The following UBOX5 variants were observed in gnomAD, a reference collection of about 807,000 sequenced individuals.
UBOX5 encodes RING finger protein 37.
In UBOX5, 28 loss-of-function variants were observed where a neutral mutation model predicts 39.0. That is an observed-to-expected ratio of 0.72 (90% CI 0.53 to 0.98). UBOX5 has a LOEUF of 0.98. Ranked by LOEUF, UBOX5 falls within the 50% of genes least tolerant of loss-of-function variation. The pLI, the probability that UBOX5 is intolerant of heterozygous loss-of-function variation, is 0.00. For synonymous variants in UBOX5, 283 were observed against 275.5 expected (o/e 1.03, Z -0.27); for missense variants, 585 against 674.4 (o/e 0.87, Z 1.47).
chr20:3,131,603 T>A (rs374633960), intron 1 of UBOX5, among the ~76,000 whole-genome samples: 1 of 152,206 alleles, frequency 6.6e-6, no homozygotes, highest in African/African-American at 2.4e-5. Flanking sequence ...AGTATAGAGA[T>A]AAAAATGAAA....
At chr20:3,147,767 C>A in intron 1 of UBOX5, 1 of 1,614,114 alleles carries the variant, frequency 6.2e-7, no homozygotes, top group Non-Finnish European at 8.5e-7. Context: ...TCCAAATGAC[C>A]ACAGAATCTT....
chr20:3,123,838 T>C (rs6051585), intron 1 of UBOX5, among the ~76,000 whole-genome samples: 2,119 of 152,338 alleles, frequency 0.014, 45 homozygotes, highest in African/African-American at 0.048. Context: ...AATGCAATTA[T>C]GTTTTCTTAT....
In UBOX5 at chr20:3,122,095, C is replaced by T; in HGVS notation, c.544G>A (p.Gly182Ser). The change falls in exon 3 of 5, where the codon GGC becomes AGC. Residue 182 changes from glycine to serine, a missense_variant. Transcript: ENST00000217173. ...HLRICITHVT[G>S]GGIPCIKRLE... ...CGCTTGATACAAGGGATACCGCCGC[C>T]TGTCACATGGGTGATACAGATCCTT... 1 of 1,614,270 alleles carries T rather than the reference C, an allele frequency of 6.2e-7. No individual in the cohort carries two copies. The highest frequency in any genetic ancestry group is 1.3e-5 in the African/African-American group (1 of 75,082).
chr20:3,148,533 C>A, intron 1 of UBOX5: 1 of 1,614,168 alleles, frequency 6.2e-7, no homozygotes, highest in Non-Finnish European at 8.5e-7. Context: ...CCCAGCAAGA[C>A]AGGATGCTGC....
chr20:3,109,967 G>C lies in UBOX5; in HGVS notation c.*139C>G. 1.1e-6 allele frequency: 1 copy of C among 939,858 alleles called. No homozygotes were observed. The highest frequency in any genetic ancestry group is 1.6e-6 in the Non-Finnish European group (1 of 617,398). 58.2% of individuals were successfully genotyped at this position (939,858 alleles called of 1,614,324 possible). The stretch of plus-strand genomic sequence containing the variant: ...GCAGAAGCAATGTGCTATACCGTGA[G>C]GTGATGAAGAAGAGCCCCGGGAGGG... On this transcript the variant is annotated 3_prime_UTR_variant, in exon 5 of 5. Transcript: ENST00000217173.
In UBOX5 at chr20:3,125,259, C is replaced by T. The variant is rs376868674; in HGVS notation, c.-41-1853G>A. ...CTGGGAAGTGAGGAGTGCCTCTGCC[C>T]GGCTGCCCCGTCTGGGAGGTGAGGA... is the stretch of plus-strand genomic sequence containing the variant. On this transcript the variant is annotated intron_variant, in intron 1 of 4. Transcript: ENST00000217173. Among the ~76,000 whole-genome samples the T allele has an allele frequency of 2.4e-3, 352 of 146,508 alleles. 22 individuals carry two copies. The South Asian group carries it at 0.071, about 29-fold the overall frequency.
chr20:3,115,171 G>C (rs2066283606), intron 4 of UBOX5, 134 bp downstream of exon 4: 2 of 1,146,102 alleles, frequency 1.7e-6, no homozygotes, highest in Non-Finnish European at 2.4e-6. Flanking sequence ...TTCTCTCCCA[G>C]GGTGGGTGTT....
In UBOX5 at chr20:3,109,942, G is replaced by A. The variant is rs536052376; in HGVS notation, c.*164C>T. The A allele has an allele frequency of 1.5e-4, 113 of 775,580 alleles. No individual in the cohort carries two copies. Among genetic ancestry groups the A allele is most frequent in the Middle Eastern group, 3.8e-4 (1 of 2,648 alleles). 48.0% of individuals were successfully genotyped at this position (775,580 alleles called of 1,614,324 possible). A position where few individuals can be genotyped will look rare whatever the true frequency, so the allele number is the denominator to read the frequency against. ...GCTTTGTTGCCCTATTGCCACCAGC[G>A]CAGAAGCAATGTGCTATACCGTGAG... is the stretch of plus-strand genomic sequence containing the variant. On this transcript the variant is annotated 3_prime_UTR_variant, in exon 5 of 5. Coordinates refer to ENST00000217173, the MANE Select transcript of UBOX5 (RefSeq NM_014948.4).
At chr20:3,115,505 G>A in intron 3 of UBOX5, 39 bp from the exon 4 acceptor site, 1 of 1,568,728 alleles carries the variant, frequency 6.4e-7, no homozygotes, top group East Asian at 2.3e-5. Context: ...CCAGAGACAG[G>A]CTCCGCAAAA....
chr20:3,133,718 T>C (rs529342590), intron 1 of UBOX5, among the ~76,000 whole-genome samples: 5 of 151,480 alleles, frequency 3.3e-5, no homozygotes, highest in African/African-American at 9.7e-5. Flanking sequence ...CTCTCTCTTT[T>C]TGCCAAGGGG....
chr20:3,117,647 G>T (rs537912976), intron 3 of UBOX5, among the ~76,000 whole-genome samples: 1 of 152,304 alleles, frequency 6.6e-6, no homozygotes, highest in Non-Finnish European at 1.5e-5. Flanking sequence ...TCGCACAAGT[G>T]CACTCCAGCC....
At position 3,109,281 on chromosome 20, in the gene UBOX5, T is replaced by A. The variant is rs2066234423; in HGVS notation, c.*825A>T. ...AAAGGATGCAGCCTATAAACAAGTA[T>A]TTTTCCTGAAACCAACTGCATGAGG... is the stretch of plus-strand genomic sequence containing the variant. On this transcript the variant is annotated 3_prime_UTR_variant, in exon 5 of 5. Transcript: ENST00000217173. 6.6e-6 allele frequency: 1 copy of A among 152,148 alleles called. No homozygotes were observed. Among genetic ancestry groups the A allele is most frequent in the African/African-American group, 2.4e-5 (1 of 41,396 alleles). 9.4% of individuals were successfully genotyped at this position (152,148 alleles called of 1,614,324 possible).
intron 3 of UBOX5, among the ~76,000 whole-genome samples, chr20:3,116,201 C>T (rs1232948284): frequency 6.6e-6 from 1 of 152,212 alleles, no homozygotes; most frequent in Non-Finnish European, 1.5e-5. Context: ...GACCCCACCA[C>T]CCCCCAGAGG....
chr20:3,133,756 TGG>T (rs113241293), intron 1 of UBOX5, among the ~76,000 whole-genome samples: 1 of 147,812 alleles, frequency 6.8e-6, no homozygotes, highest in African/African-American at 2.5e-5. Flanking sequence ...TTATTTTTTT[TGG>T]GGGGGGGAAA....
Position 3,122,596 on chromosome 20 carries a change from A to C in UBOX5, c.55-12T>G. 6.5e-7 allele frequency: 1 copy of C among 1,546,450 alleles called. No homozygotes were observed. Among genetic ancestry groups the C allele is most frequent in the Non-Finnish European group, 8.7e-7 (1 of 1,147,296 alleles). On this transcript the variant is annotated splice_polypyrimidine_tract_variant and intron_variant, in intron 2 of 4. Coordinates refer to ENST00000217173, the MANE Select transcript of UBOX5 (RefSeq NM_014948.4). ...CCATCAGCTGATATCTAGATTTAAT[A>C]AAAAACACAAGATACAATGATCCAA... is the stretch of plus-strand genomic sequence containing the variant.
intron 1 of UBOX5, among the ~76,000 whole-genome samples, chr20:3,133,761 G>GT (rs922238899): frequency 2.7e-5 from 4 of 150,602 alleles, no homozygotes; most frequent in South Asian, 2.1e-4. Flanking sequence ...TTTTTTGGGG[G>GT]GGGGAAACAG....
At position 3,110,431 on chromosome 20, in the gene UBOX5, C is replaced by A. The variant is rs1034395219; in HGVS notation, c.1418-117G>T. 1.3e-5 allele frequency: 15 copies of A among 1,191,400 alleles called. No homozygotes were observed. In the African/African-American group the frequency reaches 2.2e-4, roughly 18 times the overall value. 73.8% of individuals were successfully genotyped at this position (1,191,400 alleles called of 1,614,324 possible). On this transcript the variant is annotated intron_variant, in intron 4 of 4. Transcript: ENST00000217173. ...CTGCAGCATCTGGCTTCATCCCTCCCGAGTCCATCCCAGTCTGATCAGGTA... is the reference window on the plus strand; with the variant it reads ...CTGCAGCATCTGGCTTCATCCCTCCAGAGTCCATCCCAGTCTGATCAGGTA...
In UBOX5 at chr20:3,122,465, G is replaced by C. The variant is rs761018918; in HGVS notation, c.174C>G (p.Pro58=). The C allele has an allele frequency of 1.9e-6, 3 of 1,614,070 alleles. No individual in the cohort carries two copies. The East Asian group carries it at 6.7e-5, about 36-fold the overall frequency. The change falls in exon 3 of 5, where the codon CCC becomes CCG. Residue 58 remains proline, a synonymous_variant. Coordinates refer to ENST00000217173, the MANE Select transcript of UBOX5 (RefSeq NM_014948.4). ...TGATCCTACAGATTTCCACATTAAA[G>C]GGAAATGAAACTGTCACATAGACTG... ...KPPVYVTVSF[P]FNVEICRINI...
chr20:3,159,226 A>G (rs74624077), intron 1 of UBOX5, among the ~76,000 whole-genome samples: 2,850 of 152,302 alleles, frequency 0.019, 101 homozygotes, highest in African/African-American at 0.065. Flanking sequence ...GGGAAGGTAT[A>G]TATCCTATCA....
Sources: allele counts gnomAD v4.1 joint callset (sites outside exome capture counted in the v4.1 genomes callset), GRCh38; gene constraint gnomAD v4.1.1; transcripts MANE v1.5; gene names NCBI Gene and HGNC (gene_info 2026-07-23, HGNC 2026-07-21).